SLC44A5: variants seen among roughly 807,000 people sequenced by gnomAD.
The protein encoded by SLC44A5 is solute carrier family 44 member 5, also known as choline transporter-like protein 5.
A neutral mutation model predicts 101.8 loss-of-function variants in SLC44A5; 57 were observed. That is an observed-to-expected ratio of 0.56 (90% CI 0.45 to 0.70). SLC44A5 has a LOEUF of 0.70. Among genes scored for constraint, SLC44A5 ranks in the 30% least tolerant of loss-of-function variants. The probability of loss-of-function intolerance (pLI) is 0.00; values close to 1 mark genes in which losing one functional copy is unlikely to be tolerated. For missense variants in SLC44A5, 737 were observed against 853.1 expected, an observed-to-expected ratio of 0.86 and a Z score of 1.70; for synonymous variants, 281 against 290.9, an observed-to-expected ratio of 0.97 and a Z score of 0.35.
the SLC44A5 span, among the ~76,000 whole-genome samples, chr1:75,632,157 C>T: frequency 9.9e-5 from 15 of 152,094 alleles, no homozygotes; most frequent in African/African-American, 2.9e-4. Flanking sequence ...TTATTTTCTC[C>T]GTGTCTCTGA....
At chr1:75,413,790 A>C (rs1278096743) in intron 2 of SLC44A5, among the ~76,000 whole-genome samples, 1 of 152,192 alleles carries the variant, frequency 6.6e-6, no homozygotes, top group Admixed American at 6.5e-5. Flanking sequence ...TTAAGAAATC[A>C]CTGATAATTC....
rs1285124398 is a variant in SLC44A5, at chr1:75,576,965, G to T, written c.-70+34075C>A. Among the ~76,000 whole-genome samples, 4 of 152,264 alleles carry T rather than the reference G, an allele frequency of 2.6e-5. No individual in the cohort carries two copies. In the East Asian group the frequency reaches 7.7e-4, roughly 29 times the overall value. The stretch of plus-strand genomic sequence containing the variant: ...CTAATGGGCATCTCAAATCCAAAAT[G>T]TCCAAAACTGAATTCTTGATCTTCC... On this transcript the variant is annotated intron_variant, in intron 1 of 23. Transcript: ENST00000370859.
At chr1:75,292,842 A>G (rs1653672430) in intron 5 of SLC44A5, among the ~76,000 whole-genome samples, 1 of 152,352 alleles carries the variant, frequency 6.6e-6, no homozygotes, top group East Asian at 1.9e-4. Context: ...AACTTTCATT[A>G]CTTATTCCTC....
the SLC44A5 span, among the ~76,000 whole-genome samples, chr1:75,626,594 C>A: frequency 2.0e-5 from 3 of 152,114 alleles, no homozygotes; most frequent in Non-Finnish European, 4.4e-5. Context: ...TATTTGCTTT[C>A]TTTTCCATGT....
At chr1:75,592,505 A>G (rs189107301) in intron 1 of SLC44A5, among the ~76,000 whole-genome samples, 260 of 152,286 alleles carry the variant, frequency 1.7e-3, no homozygotes, top group African/African-American at 6.1e-3. Context: ...CCTAAAATTT[A>G]TATGAAACCA....
intron 4 of SLC44A5, among the ~76,000 whole-genome samples, chr1:75,304,293 G>GGTGTGTGT (rs71081327): frequency 2.6e-4 from 17 of 65,470 alleles, no homozygotes; most frequent in African/African-American, 9.8e-4. Flanking sequence ...TTTTTAAATA[G>GGTGTGTGT]GTGTGTGTGT....
At chr1:75,216,739 C>T (rs1646969464) in intron 18 of SLC44A5, among the ~76,000 whole-genome samples, 1 of 151,882 alleles carries the variant, frequency 6.6e-6, no homozygotes, top group Admixed American at 6.6e-5. Flanking sequence ...CCTCATTGGC[C>T]ATTTGTATAT....
chr1:75,545,822 T>C (rs1250058085), intron 1 of SLC44A5, among the ~76,000 whole-genome samples: 3 of 18,592 alleles, frequency 1.6e-4, no homozygotes, highest in Non-Finnish European at 3.0e-4. Context: ...CTTTTTTCTT[T>C]TCTTTTTTTT....
Position 75,202,288 on chromosome 1 carries a change from T to C in SLC44A5, c.*1439A>G, listed in dbSNP as rs542781189. Reference sequence around the variant, plus strand: ...CACACTGATTATAGAGCTCAGACTGTCATGTGCTCATGTGAGTTTATTTTT... The same window carrying C: ...CACACTGATTATAGAGCTCAGACTGCCATGTGCTCATGTGAGTTTATTTTT... On this transcript the variant is annotated 3_prime_UTR_variant, in exon 24 of 24. Coordinates refer to ENST00000370859, the MANE Select transcript of SLC44A5 (RefSeq NM_001130058.2). The C allele has an allele frequency of 3.3e-5, 5 of 152,328 alleles. No individual in the cohort carries two copies. The highest frequency in any genetic ancestry group is 1.2e-4 in the African/African-American group (5 of 41,582). 9.4% of individuals were successfully genotyped at this position (152,328 alleles called of 1,614,324 possible). A position where few individuals can be genotyped will look rare whatever the true frequency, so the allele number is the denominator to read the frequency against.
the SLC44A5 span, among the ~76,000 whole-genome samples, chr1:75,655,922 G>T: frequency 6.6e-6 from 1 of 152,096 alleles, no homozygotes; most frequent in Admixed American, 6.5e-5. Flanking sequence ...AGAATACAAA[G>T]AAGATTCAAA....
At chr1:75,539,152 T>C (rs1671214057) in intron 2 of SLC44A5, among the ~76,000 whole-genome samples, 1 of 152,224 alleles carries the variant, frequency 6.6e-6, no homozygotes, top group African/African-American at 2.4e-5. Context: ...TATCCATCAA[T>C]TGTACAAGAC....
chr1:75,594,103 C>G (rs1340294742), intron 1 of SLC44A5, among the ~76,000 whole-genome samples: 2 of 151,756 alleles, frequency 1.3e-5, no homozygotes, highest in Non-Finnish European at 2.9e-5. Context: ...CTCACATACC[C>G]CATAAATATA....
At chr1:75,339,527 C>T in intron 4 of SLC44A5, 55 bp downstream of exon 4, 4 of 1,463,892 alleles carry the variant, frequency 2.7e-6, no homozygotes, top group East Asian at 4.7e-5. Context: ...CCCCATCCCC[C>T]AAAGCTTTCT....
At chr1:75,618,913 T>C in the SLC44A5 span, among the ~76,000 whole-genome samples, 8 of 151,612 alleles carry the variant, frequency 5.3e-5, no homozygotes, top group African/African-American at 1.7e-4. Context: ...CCACAAAAAA[T>C]ACAAAAATTA....
intron 3 of SLC44A5, among the ~76,000 whole-genome samples, chr1:75,344,933 T>C (rs1557684463): frequency 6.6e-6 from 1 of 152,228 alleles, no homozygotes; most frequent in East Asian, 1.9e-4. Flanking sequence ...AGAAATGAGA[T>C]CTTGGTTATT....
chr1:75,444,948 G>C (rs1570298931), intron 2 of SLC44A5, among the ~76,000 whole-genome samples: 1 of 152,120 alleles, frequency 6.6e-6, no homozygotes, highest in Non-Finnish European at 1.5e-5. Flanking sequence ...TGAGGAGAAA[G>C]AAGAAGGTGG....
At chr1:75,518,511 A>T (rs1669951275) in intron 2 of SLC44A5, among the ~76,000 whole-genome samples, 1 of 152,160 alleles carries the variant, frequency 6.6e-6, no homozygotes, top group African/African-American at 2.4e-5. Context: ...CCAGCACTGT[A>T]GTTGATCCAT....
chr1:75,518,101 A>C (rs1361371889), intron 2 of SLC44A5, among the ~76,000 whole-genome samples: 2 of 152,258 alleles, frequency 1.3e-5, no homozygotes, highest in African/African-American at 2.4e-5. Flanking sequence ...AATATTGGCC[A>C]TAAGTTCATT....
chr1:75,442,328 C>A (rs752455013), intron 2 of SLC44A5, among the ~76,000 whole-genome samples: 4 of 152,096 alleles, frequency 2.6e-5, no homozygotes, highest in Non-Finnish European at 5.9e-5. Context: ...CTACTGCAAT[C>A]GGGCTTTGCG....
Sources: gnomAD v4.1 joint callset for allele counts (sites outside exome capture counted in the v4.1 genomes callset) on GRCh38, gnomAD v4.1.1 for gene constraint, MANE v1.5 for transcripts, NCBI Gene and HGNC (gene_info 2026-07-23, HGNC 2026-07-21) for gene names.